The following NKX2-2 variants were observed in gnomAD, a reference collection of about 807,000 sequenced individuals.
NKX2-2 encodes NK2 homeobox 2.
A neutral mutation model predicts 24.6 loss-of-function variants in NKX2-2; 8 were observed. The ratio of observed to expected loss-of-function variants is 0.32; its 90% CI spans 0.19 to 0.59. The LOEUF is 0.59. Ranked by LOEUF, NKX2-2 falls within the 20% of genes least tolerant of loss-of-function variation. The probability of loss-of-function intolerance (pLI) is 0.86; values close to 1 mark genes in which losing one functional copy is unlikely to be tolerated. For missense variants in NKX2-2, 381 were observed against 373.9 expected, an observed-to-expected ratio of 1.02 and a Z score of -0.16; for synonymous variants, 217 against 173.3, an observed-to-expected ratio of 1.25 and a Z score of -1.98.
the NKX2-2 span, among the ~76,000 whole-genome samples, chr20:21,520,381 G>C: frequency 2.6e-5 from 4 of 152,140 alleles, no homozygotes; most frequent in African/African-American, 9.7e-5. Context: ...CACAAAAGGG[G>C]CACATATCTC....
In NKX2-2 at chr20:21,511,977, G is replaced by A. The variant is rs774472504; in HGVS notation, c.768C>T (p.Thr256=). The A allele has an allele frequency of 6.2e-7, 1 of 1,611,224 alleles. No individual in the cohort carries two copies. The highest frequency in any genetic ancestry group is 8.5e-7 in the Non-Finnish European group (1 of 1,179,348). The change falls in exon 2 of 2, where the codon ACC becomes ACT. Residue 256 remains threonine (T), a synonymous_variant. Transcript: ENST00000377142. The part of the protein sequence containing the change: ...QYNAQYSSAS[T]PQYPTAHPLV... ...GGGGGTGTGCTGTCGGGTACTGGGG[G>A]GTGCTGGCCGAGCTGTACTGGGCGT...
Position 21,511,820 on chromosome 20 carries a change from TATA to T in NKX2-2, c.*100_*102del, listed in dbSNP as rs897172828. On this transcript the variant is annotated 3_prime_UTR_variant, in exon 2 of 2. Coordinates refer to ENST00000377142, the MANE Select transcript of NKX2-2 (RefSeq NM_002509.4). Reference sequence around the variant, plus strand: ...GTCAACTCGACTCCATAATAATAATTATAATAATAATAATAACCACCATAAGGA... The same window carrying T: ...GTCAACTCGACTCCATAATAATAATTATAATAATAATAACCACCATAAGGA... 8.0e-4 allele frequency: 662 copies of T among 828,498 alleles called. No individual in the cohort carries two copies. Among genetic ancestry groups the T allele is most frequent in the Middle Eastern group, 1.5e-3 (4 of 2,596 alleles). 51.3% of individuals were successfully genotyped at this position (828,498 alleles called of 1,614,324 possible).
chr20:21,515,804 G>A (rs1980621668), upstream of NKX2-2, among the ~76,000 whole-genome samples: 1 of 152,138 alleles, frequency 6.6e-6, no homozygotes, highest in African/African-American at 2.4e-5. Flanking sequence ...CAGCTGCAGC[G>A]GACGCCGCCG....
At position 21,513,605 on chromosome 20, in the gene NKX2-2, T is replaced by C. The variant is rs767455882; in HGVS notation, c.65A>G (p.Asn22Ser). 3 of 1,613,016 alleles carry C rather than the reference T, an allele frequency of 1.9e-6. No individual in the cohort carries two copies. In the African/African-American group the frequency reaches 4.0e-5, roughly 22 times the overall value. ...VKDILDLPDT[N>S]DEEGSVAEGP... Reference sequence around the variant, plus strand: ...TTCGGCCACAGAGCCCTCCTCATCGTTGGTGTCCGGCAGGTCTAAGATGTC... The same window carrying C: ...TTCGGCCACAGAGCCCTCCTCATCGCTGGTGTCCGGCAGGTCTAAGATGTC... The change falls in exon 1 of 2, where the codon AAC (asparagine) becomes AGC (serine). Residue 22 changes from asparagine to serine, a missense_variant. Coordinates refer to ENST00000377142, the MANE Select transcript of NKX2-2 (RefSeq NM_002509.4). This position sits in a 1 kb window ranked among gnomAD's most constrained non-coding sequence, Gnocchi z 4.6.
At chr20:21,517,857 C>G (rs945483208), upstream of NKX2-2, among the ~76,000 whole-genome samples, 1 of 152,210 alleles carries the variant, frequency 6.6e-6, no homozygotes, top group Non-Finnish European at 1.5e-5. Flanking sequence ...TCTGCGATCC[C>G]GCACACCCGC....
chr20:21,517,931 C>G (rs568099447), upstream of NKX2-2, among the ~76,000 whole-genome samples: 1 of 152,316 alleles, frequency 6.6e-6, no homozygotes, highest in African/African-American at 2.4e-5. Flanking sequence ...GGGCCCACCA[C>G]TCCCACCCTG....
At chr20:21,514,999 C>T (rs1464865782), upstream of NKX2-2, among the ~76,000 whole-genome samples, 2 of 151,890 alleles carry the variant, frequency 1.3e-5, no homozygotes, top group African/African-American at 2.4e-5. Context: ...GCCTCCACCT[C>T]TCTGCGGCCA....
rs1421668443 is a variant in NKX2-2, at chr20:21,511,903, G to T, written c.*20C>A. The T allele has an allele frequency of 1.9e-6, 3 of 1,553,602 alleles. No individual in the cohort carries two copies. The highest frequency in any genetic ancestry group is 1.4e-5 in the African/African-American group (1 of 73,592). On this transcript the variant is annotated 3_prime_UTR_variant, in exon 2 of 2. Transcript: ENST00000377142. ...GGGTGGGGCCTGGGCCTGGGGCCGC[G>T]AGTCTCGTTGGGGCGGCGCTCACCA... is the stretch of plus-strand genomic sequence containing the variant.
the NKX2-2 span, among the ~76,000 whole-genome samples, chr20:21,522,380 G>C: frequency 6.6e-6 from 1 of 152,166 alleles, no homozygotes; most frequent in African/African-American, 2.4e-5. Flanking sequence ...ACCGTGCCCG[G>C]AGCGCGTTCC....
At chr20:21,520,226 G>T in the NKX2-2 span, among the ~76,000 whole-genome samples, 2 of 152,064 alleles carry the variant, frequency 1.3e-5, no homozygotes, top group Admixed American at 6.5e-5. Flanking sequence ...GCCACGGAGA[G>T]AACTGATCCT....
In NKX2-2 at chr20:21,513,702, TG is replaced by T. The variant is rs779763194; in HGVS notation, c.-34del. 2.9e-6 allele frequency: 4 copies of T among 1,394,488 alleles called. No individual in the cohort carries two copies. The East Asian group carries it at 9.8e-5, about 34-fold the overall frequency. The allele number at this position is 1,394,488 out of a possible 1,614,324, so 86.4% of individuals were successfully genotyped here. On this transcript the variant is annotated 5_prime_UTR_variant, in exon 1 of 2. Transcript: ENST00000377142. This position sits in a 1 kb window ranked among gnomAD's most constrained non-coding sequence, Gnocchi z 4.6. Reference sequence around the variant, plus strand: ...GACCCCAAAATTTATGTCGCAAAGTTGTAGCTTCACTTGGTCAATTCGTGGC... The same window carrying T: ...GACCCCAAAATTTATGTCGCAAAGTTTAGCTTCACTTGGTCAATTCGTGGC...
Position 21,513,033 on chromosome 20 carries a change from G to C in NKX2-2, c.259+378C>G, listed in dbSNP as rs557375549. Reference sequence around the variant, plus strand: ...GCCTCCCCACCCTCCACCCGTACCCGGACGAGGCTCGCTGGCTACCTCCAG... The same window carrying C: ...GCCTCCCCACCCTCCACCCGTACCCCGACGAGGCTCGCTGGCTACCTCCAG... On this transcript the variant is annotated intron_variant, in intron 1 of 1. Transcript: ENST00000377142. This position sits in a 1 kb window ranked among gnomAD's most constrained non-coding sequence, Gnocchi z 4.6. Among the ~76,000 whole-genome samples the C allele has an allele frequency of 1.3e-5, 2 of 152,268 alleles. No individual in the cohort carries two copies. The highest frequency in any genetic ancestry group is 4.1e-4 in the South Asian group (2 of 4,832).
the NKX2-2 span, among the ~76,000 whole-genome samples, chr20:21,519,115 C>T: frequency 6.6e-6 from 1 of 152,230 alleles, no homozygotes; most frequent in African/African-American, 2.4e-5. Context: ...TCACACTCCC[C>T]ACCCACAAAA....
At chr20:21,519,057 G>A (rs1980709227), upstream of NKX2-2, among the ~76,000 whole-genome samples, 1 of 152,172 alleles carries the variant, frequency 6.6e-6, no homozygotes, top group East Asian at 1.9e-4. Context: ...TCTAAAGAGG[G>A]GGCGACCTTG....
At chr20:21,515,558 C>A (rs796825442), upstream of NKX2-2, among the ~76,000 whole-genome samples, 1 of 151,322 alleles carries the variant, frequency 6.6e-6, no homozygotes, top group African/African-American at 2.4e-5. Flanking sequence ...GAAAAGACCA[C>A]GCCGCATTTG....
chr20:21,512,331 C>T lies in NKX2-2; in HGVS notation c.414G>A (p.Ala138=). ...KRKRRVLFSK[A]QTYELERRFR... ...AGCGCCGCTCCAGCTCGTAGGTCTG[C>T]GCCTTGGAGAAAAGCACTCGCCGCT... Residue 138 remains alanine (A), a synonymous_variant, in exon 2 of 2, where the codon GCG becomes GCA. Coordinates refer to ENST00000377142, the MANE Select transcript of NKX2-2 (RefSeq NM_002509.4). 6.2e-7 allele frequency: 1 copy of T among 1,612,942 alleles called. No individual in the cohort carries two copies. Among genetic ancestry groups the T allele is most frequent in the Non-Finnish European group, 8.5e-7 (1 of 1,179,654 alleles).
At chr20:21,520,720 A>G in the NKX2-2 span, among the ~76,000 whole-genome samples, 1 of 151,848 alleles carries the variant, frequency 6.6e-6, no homozygotes, top group Non-Finnish European at 1.5e-5. Flanking sequence ...TTGGGGAACC[A>G]AACGCCACGT....
In NKX2-2 at chr20:21,512,485, A is replaced by C; in HGVS notation, c.260T>G (p.Leu87Arg). 2 of 1,561,034 alleles carry C rather than the reference A, an allele frequency of 1.3e-6. No individual in the cohort carries two copies. The highest frequency in any genetic ancestry group is 1.2e-5 in the South Asian group (1 of 84,772). Residue 87 changes from leucine (L) to arginine (R), a missense_variant and splice_region_variant, in exon 2 of 2, where the codon CTG becomes CGG. By Grantham distance (102) the Leu-to-Arg change is moderately radical. Coordinates refer to ENST00000377142, the MANE Select transcript of NKX2-2 (RefSeq NM_002509.4). Reference protein sequence around the residue: ...LASTEGLQYSLHGLAAGAPPQ... With the variant: ...LASTEGLQYSRHGLAAGAPPQ... The stretch of plus-strand genomic sequence containing the variant: ...GGGCGCCCCGGCAGCCAGACCGTGC[A>C]CTGGGGGGAGGGGGAGAGAGAAGCG...
At chr20:21,516,260 A>T (rs980756263), upstream of NKX2-2, among the ~76,000 whole-genome samples, 2 of 151,818 alleles carry the variant, frequency 1.3e-5, no homozygotes, top group Non-Finnish European at 2.9e-5. Context: ...CTTCATGTCG[A>T]CGCTCCCCGA....
Sources: allele counts gnomAD v4.1 joint callset (sites outside exome capture counted in the v4.1 genomes callset), GRCh38; gene constraint gnomAD v4.1.1; non-coding constraint Gnocchi (gnomAD v3.1); transcripts MANE v1.5; gene names NCBI Gene and HGNC (gene_info 2026-07-23, HGNC 2026-07-21).